The following ADGRG6 variants were observed in gnomAD, a reference collection of about 807,000 sequenced individuals.
The protein encoded by ADGRG6 is G-protein coupled receptor 126.
ADGRG6 carries 84 observed loss-of-function variants against 142.4 expected under a neutral mutation model. That is an observed-to-expected ratio of 0.59 (90% confidence interval 0.49 to 0.71). ADGRG6 has a LOEUF of 0.71. ADGRG6 is among the 30% of genes least tolerant of loss of function. The pLI, the probability that ADGRG6 is intolerant of heterozygous loss-of-function variation, is 0.00. For missense variants in ADGRG6, 1,367 were observed against 1,466.6 expected (o/e 0.93, Z 1.11); for synonymous variants, 521 against 520.5 (o/e 1.00, Z -0.01).
chr6:142,343,143 T>C (rs1779740361), intron 2 of ADGRG6, among the ~76,000 whole-genome samples: 2 of 151,870 alleles, frequency 1.3e-5, no homozygotes, highest in African/African-American at 4.8e-5. Context: ...TTGACAAATA[T>C]ATAAAATACA....
intron 22 of ADGRG6, among the ~76,000 whole-genome samples, chr6:142,435,341 G>A (rs1012079608): frequency 2.0e-5 from 3 of 152,044 alleles, no homozygotes; most frequent in Admixed American, 6.5e-5. Context: ...CAGTTCAAGC[G>A]CTAGATCCCC....
chr6:142,317,818 ATTAATTTATATT>A, intron 2 of ADGRG6, among the ~76,000 whole-genome samples: 2 of 88,652 alleles, frequency 2.3e-5, no homozygotes, highest in African/African-American at 9.6e-5. Flanking sequence ...ATTTATATAT[ATTAATTTATATT>A]ATATATATTT....
intron 2 of ADGRG6, among the ~76,000 whole-genome samples, chr6:142,319,038 G>A (rs182673877): frequency 2.0e-5 from 3 of 152,106 alleles, no homozygotes; most frequent in Non-Finnish European, 4.4e-5. Flanking sequence ...GGGTGGTAGG[G>A]CACTCAATGA....
chr6:142,360,635 A>ATTTTC (rs1234891308), intron 2 of ADGRG6, among the ~76,000 whole-genome samples: 4 of 151,696 alleles, frequency 2.6e-5, no homozygotes, highest in Non-Finnish European at 4.4e-5. Flanking sequence ...TGTGCTCTAC[A>ATTTTC]TTTTCTTTTC....
At chr6:142,305,264 C>T (rs932942839) in intron 1 of ADGRG6, among the ~76,000 whole-genome samples, 3 of 151,990 alleles carry the variant, frequency 2.0e-5, no homozygotes, top group Non-Finnish European at 4.4e-5. Context: ...TTTTTTAACT[C>T]TTTTAGAAAT....
Position 142,415,799 on chromosome 6 carries a change from A to G in ADGRG6, c.2673A>G (p.Lys891=), listed in dbSNP as rs969826668. ...ATLLTYVAFE[K]LRRDYPSKIL... is the part of the protein sequence containing the mutation. ...GATTCCTTTTTTCATTTTTTAGGAA[A>G]TTGCGAAGGGATTATCCCTCCAAAA... Residue 891 remains lysine, a synonymous_variant, in exon 20 of 25, where the codon AAA becomes AAG. Coordinates refer to ENST00000367609, the MANE Select transcript of ADGRG6 (RefSeq NM_198569.3). 5.0e-6 allele frequency: 8 copies of G among 1,608,536 alleles called. No homozygotes were observed. The African/African-American group carries it at 8.0e-5, about 16-fold the overall frequency.
intron 9 of ADGRG6, among the ~76,000 whole-genome samples, chr6:142,394,727 A>G (rs576192665): frequency 7.9e-5 from 12 of 151,836 alleles, no homozygotes; most frequent in Non-Finnish European, 1.5e-4. Context: ...GGCTACACAC[A>G]TGTGCTAGCA....
intron 2 of ADGRG6, among the ~76,000 whole-genome samples, chr6:142,320,453 T>C (rs1778457510): frequency 6.6e-6 from 1 of 152,072 alleles, no homozygotes; most frequent in Admixed American, 6.6e-5. Context: ...CACTGCTAAC[T>C]TGACTCTGAG....
chr6:142,317,175 G>T (rs1778121637), intron 2 of ADGRG6, among the ~76,000 whole-genome samples: 1 of 152,074 alleles, frequency 6.6e-6, no homozygotes, highest in South Asian at 2.1e-4. Context: ...CGTTTGGTTA[G>T]GACTCTTATT....
intron 2 of ADGRG6, among the ~76,000 whole-genome samples, chr6:142,313,881 C>A (rs1033897634): frequency 6.6e-6 from 1 of 151,766 alleles, no homozygotes; most frequent in Admixed American, 6.6e-5. Flanking sequence ...ATGAATGTCC[C>A]CTTTTTAAAA....
chr6:142,392,133 C>G (rs1490518987), intron 7 of ADGRG6, among the ~76,000 whole-genome samples: 2 of 151,550 alleles, frequency 1.3e-5, no homozygotes, highest in African/African-American at 4.8e-5. Flanking sequence ...TTTTTTTTGC[C>G]AGGATTCCCT....
Position 142,390,720 on chromosome 6 carries a change from A to C in ADGRG6, c.1308+377A>C, listed in dbSNP as rs115470049. 2.9e-3 allele frequency among the ~76,000 whole-genome samples: 435 copies of C among 152,004 alleles called. 4 individuals are homozygous for C. The highest frequency in any genetic ancestry group is 1.0e-2 in the African/African-American group (415 of 41,572). ...AAAACCAGCAAGTATGAAAAGACGCATTATGAAAGTCTTCCACCCATCCTT... is the reference window on the plus strand; with the variant it reads ...AAAACCAGCAAGTATGAAAAGACGCCTTATGAAAGTCTTCCACCCATCCTT... On this transcript the variant is annotated intron_variant, in intron 7 of 24. Transcript: ENST00000367609.
intron 21 of ADGRG6, among the ~76,000 whole-genome samples, chr6:142,418,716 T>C (rs780628544): frequency 9.9e-5 from 15 of 152,148 alleles, no homozygotes; most frequent in Admixed American, 2.6e-4. Flanking sequence ...TTCAAAGATG[T>C]GCAGGACAGC....
rs191372152 is a variant in ADGRG6 at position 142,424,808 on chromosome 6, A to G, written c.3319+4704A>G. Among the ~76,000 whole-genome samples, 16 of 152,246 alleles carry G rather than the reference A, an allele frequency of 1.1e-4. No homozygotes were observed. In the East Asian group the frequency reaches 2.9e-3, roughly 28 times the overall value. On this transcript the variant is annotated intron_variant, in intron 22 of 24. Coordinates refer to ENST00000367609, the MANE Select transcript of ADGRG6 (RefSeq NM_198569.3). ...CTCTGCCTCATGGAATTTATATTCT[A>G]GTAGGGGAGACAGGTTAATTAAATA... is the stretch of plus-strand genomic sequence containing the variant.
In ADGRG6 at chr6:142,406,180, A is replaced by G. The variant is rs557263696; in HGVS notation, c.2268+352A>G. On this transcript the variant is annotated intron_variant, in intron 15 of 24. Coordinates refer to ENST00000367609, the MANE Select transcript of ADGRG6 (RefSeq NM_198569.3). ...TTTACAGTTAAAGAAATTGCACACC[A>G]AAGGAAAGGGTTTTTTTTTTTTCTT... Among the ~76,000 whole-genome samples, 422 of 105,760 alleles carry G rather than the reference A, an allele frequency of 4.0e-3. 2 individuals carry two copies. The highest frequency in any genetic ancestry group is 7.4e-3 in the Admixed American group (57 of 7,652). 69.4% of individuals were successfully genotyped at this position (105,760 alleles called of 152,430 possible).
In ADGRG6 at chr6:142,400,501, G is replaced by A. The variant is rs1562367148; in HGVS notation, c.1584G>A (p.Met528Ile). Residue 528 changes from methionine (M) to isoleucine (I), a missense_variant, in exon 11 of 25, where the codon ATG (methionine) becomes ATA (isoleucine). Met to Ile is a conservative substitution (Grantham distance 10). Transcript: ENST00000367609. ...NVRQLGHCLA[M>I]EEPKGYYWPS... ...TTCATATAGGTCATTGTCTTGCCATGGAGGAACCCAAAGGCTACTACTGGC... is the reference window on the plus strand; with the variant it reads ...TTCATATAGGTCATTGTCTTGCCATAGAGGAACCCAAAGGCTACTACTGGC... 1.3e-6 allele frequency: 2 copies of A among 1,556,790 alleles called. No homozygotes were observed. Among genetic ancestry groups the A allele is most frequent in the East Asian group, 4.5e-5 (2 of 44,552 alleles).
chr6:142,319,921 A>G (rs1562309304), intron 2 of ADGRG6, among the ~76,000 whole-genome samples: 1 of 152,204 alleles, frequency 6.6e-6, no homozygotes, highest in Non-Finnish European at 1.5e-5. Context: ...TGCTGTAAGT[A>G]ACAACTTACG....
chr6:142,393,731 A>T (rs144772276), intron 8 of ADGRG6, among the ~76,000 whole-genome samples, 165 bp from the exon 9 acceptor site: 8 of 152,296 alleles, frequency 5.3e-5, no homozygotes, highest in African/African-American at 1.9e-4. Context: ...GAGCAAAAGC[A>T]CACAGTTGCC....
chr6:142,363,803 A>G (rs979897748), intron 2 of ADGRG6, among the ~76,000 whole-genome samples: 6 of 152,152 alleles, frequency 3.9e-5, no homozygotes, highest in African/African-American at 1.4e-4. Context: ...GTGATATTTG[A>G]CTACTCCAAA....
Sources: allele counts gnomAD v4.1 joint callset (sites outside exome capture counted in the v4.1 genomes callset), GRCh38; gene constraint gnomAD v4.1.1; transcripts MANE v1.5; gene names NCBI Gene and HGNC (gene_info 2026-07-23, HGNC 2026-07-21).